ATXN1: variants seen among roughly 807,000 people sequenced by gnomAD.
ATXN1 encodes ataxin-1.
A neutral mutation model predicts 56.4 loss-of-function variants in ATXN1; 8 were observed. The ratio of observed to expected loss-of-function variants is 0.14; its 90% confidence interval spans 0.08 to 0.26. The LOEUF (loss-of-function observed/expected upper bound fraction) is 0.26. Among genes scored for constraint, ATXN1 ranks in the 10% least tolerant of loss-of-function variants. The pLI is 1.00. For synonymous variants in ATXN1, 514 were observed against 494.6 expected, an observed-to-expected ratio of 1.04 and a Z score of -0.52; for missense variants, 987 against 1,106.5, an observed-to-expected ratio of 0.89 and a Z score of 1.53.
chr6:16,435,669 G>A (rs1028703268), intron 6 of ATXN1, among the ~76,000 whole-genome samples: 13 of 152,154 alleles, frequency 8.5e-5, no homozygotes, highest in South Asian at 2.1e-4. Flanking sequence ...GGGGTGGACC[G>A]CAGGGGAAAA....
In ATXN1 at chr6:16,522,099, G is replaced by A. The variant is rs77444599; in HGVS notation, c.-299+528C>T. On this transcript the variant is annotated intron_variant, in intron 5 of 7. Transcript: ENST00000436367. ...ATGCAGCTAGGAGCCAAACACACCAGTATCAAAATCCTAGCTCTGCTACTC... is the reference window on the plus strand; with the variant it reads ...ATGCAGCTAGGAGCCAAACACACCAATATCAAAATCCTAGCTCTGCTACTC... Among the ~76,000 whole-genome samples, 66 of 152,260 alleles carry A rather than the reference G, an allele frequency of 4.3e-4. No individual in the cohort carries two copies. In the East Asian group the frequency reaches 0.012, roughly 27 times the overall value.
At chr6:16,733,598 G>T (rs755918880) in intron 2 of ATXN1, among the ~76,000 whole-genome samples, 1 of 152,086 alleles carries the variant, frequency 6.6e-6, no homozygotes, top group East Asian at 1.9e-4. Context: ...AGGCATGGTG[G>T]TTCACACCTA....
chr6:16,651,404 T>G (rs1296237711), intron 3 of ATXN1, among the ~76,000 whole-genome samples: 1 of 151,844 alleles, frequency 6.6e-6, no homozygotes, highest in Non-Finnish European at 1.5e-5. Context: ...ATTAGCCAGG[T>G]GTGGTGGTGC....
At chr6:16,569,528 GAA>G (rs60416047) in intron 4 of ATXN1, among the ~76,000 whole-genome samples, 3 of 96,396 alleles carry the variant, frequency 3.1e-5, no homozygotes, top group African/African-American at 4.2e-5. Context: ...CTCCGTCTCA[GAA>G]AAAAAAAAAA....
chr6:16,438,022 G>T (rs540698739), intron 6 of ATXN1, among the ~76,000 whole-genome samples: 1 of 152,346 alleles, frequency 6.6e-6, no homozygotes, highest in African/African-American at 2.4e-5. Context: ...TGGTCCATGA[G>T]GCTAGGGGTA....
intron 2 of ATXN1, among the ~76,000 whole-genome samples, chr6:16,676,829 T>G (rs927543778): frequency 3.9e-5 from 6 of 152,154 alleles, no homozygotes; most frequent in African/African-American, 1.4e-4. Flanking sequence ...CTCTGGAATG[T>G]TCAACTGGCC....
intron 5 of ATXN1, among the ~76,000 whole-genome samples, chr6:16,510,248 C>T (rs138068854): frequency 8.2e-4 from 125 of 152,324 alleles, no homozygotes; most frequent in African/African-American, 2.9e-3. Context: ...AGCAGCATCT[C>T]AGGCCCTATC....
chr6:16,554,674 G>A (rs1003915206), intron 4 of ATXN1, among the ~76,000 whole-genome samples: 9 of 151,464 alleles, frequency 5.9e-5, no homozygotes, highest in South Asian at 4.2e-4. Context: ...GGCTAGTCTC[G>A]AACTCCTGAC....
At chr6:16,692,258 T>G (rs59530583) in intron 2 of ATXN1, among the ~76,000 whole-genome samples, 2,088 of 151,540 alleles carry the variant, frequency 0.014, 39 homozygotes, top group African/African-American at 0.046. Context: ...TCTGCAAATA[T>G]GTACTTTATA....
At chr6:16,362,799 T>C (rs934126051) in intron 6 of ATXN1, among the ~76,000 whole-genome samples, 2 of 152,128 alleles carry the variant, frequency 1.3e-5, no homozygotes, top group African/African-American at 4.8e-5. Flanking sequence ...CAGCACTAAA[T>C]CTCCCACCCA....
chr6:16,594,609 A>G (rs1437249197), intron 3 of ATXN1, among the ~76,000 whole-genome samples: 1 of 151,498 alleles, frequency 6.6e-6, no homozygotes, highest in Non-Finnish European at 1.5e-5. Context: ...CAGCCTCCCG[A>G]GTATCTGGGA....
chr6:16,607,468 T>C (rs1434783457), intron 3 of ATXN1, among the ~76,000 whole-genome samples: 1 of 152,246 alleles, frequency 6.6e-6, no homozygotes, highest in East Asian at 1.9e-4. Flanking sequence ...TGCATGGTAA[T>C]TGAGCTTGGA....
chr6:16,391,304 C>A (rs1581731534), intron 6 of ATXN1, among the ~76,000 whole-genome samples: 1 of 151,712 alleles, frequency 6.6e-6, no homozygotes, highest in Non-Finnish European at 1.5e-5. Flanking sequence ...AATGCAACAG[C>A]AGCACCATCA....
At position 16,534,026 on chromosome 6, in the gene ATXN1, A is replaced by G. The variant is rs1226090129; in HGVS notation, c.-360-11338T>C. 2.0e-5 allele frequency among the ~76,000 whole-genome samples: 3 copies of G among 152,272 alleles called. No individual in the cohort carries two copies. In the East Asian group the frequency reaches 5.8e-4, roughly 29 times the overall value. On this transcript the variant is annotated intron_variant, in intron 4 of 7. Transcript: ENST00000436367. ...ATCGTTTTTTCCTATATTCTTGGTA[A>G]GAATCAGAAGATACCTCCAAGCCAG...
intron 7 of ATXN1, among the ~76,000 whole-genome samples, chr6:16,314,971 T>G (rs1760477152): frequency 6.6e-6 from 1 of 152,162 alleles, no homozygotes; most frequent in Admixed American, 6.5e-5. Context: ...TAATAAAAGT[T>G]CAACAAGTAT....
chr6:16,396,085 T>C (rs1439354893), intron 6 of ATXN1, among the ~76,000 whole-genome samples: 1 of 150,500 alleles, frequency 6.6e-6, no homozygotes, highest in African/African-American at 2.4e-5. Flanking sequence ...CTGGAGGTGT[T>C]CAAGAAGAAG....
chr6:16,701,680 T>C (rs1268650233), intron 2 of ATXN1, among the ~76,000 whole-genome samples: 1 of 146,326 alleles, frequency 6.8e-6, no homozygotes. Flanking sequence ...AGCATTCTTA[T>C]ACACCACTAA....
At chr6:16,311,642 A>C (rs1355601021) in intron 7 of ATXN1, among the ~76,000 whole-genome samples, 1 of 152,236 alleles carries the variant, frequency 6.6e-6, no homozygotes, top group African/African-American at 2.4e-5. Flanking sequence ...AAATATACTT[A>C]CAAGTGACTG....
At chr6:16,451,151 T>C (rs1008389439) in intron 6 of ATXN1, among the ~76,000 whole-genome samples, 1 of 152,196 alleles carries the variant, frequency 6.6e-6, no homozygotes, top group Non-Finnish European at 1.5e-5. Context: ...CCACTTCAGC[T>C]GTACAAATTA....
Sources: gnomAD v4.1 joint callset for allele counts (sites outside exome capture counted in the v4.1 genomes callset) on GRCh38, gnomAD v4.1.1 for gene constraint, MANE v1.5 for transcripts, NCBI Gene and HGNC (gene_info 2026-07-23, HGNC 2026-07-21) for gene names.